The following ANOS1 variants were observed in gnomAD, a reference collection of about 807,000 sequenced individuals.
The protein encoded by ANOS1 is anosmin-1.
In ANOS1, 6 loss-of-function variants were observed where a neutral mutation model predicts 59.0. That is an observed-to-expected ratio of 0.10 (90% CI 0.06 to 0.20). The LOEUF (loss-of-function observed/expected upper bound fraction) is 0.20, where lower values mean the gene tolerates loss of function less well. Among genes scored for constraint, ANOS1 ranks in the 10% least tolerant of loss-of-function variants. The probability of loss-of-function intolerance (pLI) is 1.00; values close to 1 mark genes in which losing one functional copy is unlikely to be tolerated. For synonymous variants in ANOS1, 217 were observed against 223.4 expected (o/e 0.97, Z 0.25); for missense variants, 433 against 542.3 (o/e 0.80, Z 2.00).
chrX:8,649,632 G>A (rs2084943501), intron 2 of ANOS1, among the ~76,000 whole-genome samples: 1 of 112,722 alleles, frequency 8.9e-6, no homozygotes, highest in South Asian at 3.6e-4. Flanking sequence ...TAGGTATTCA[G>A]TGAACGAATA....
chrX:8,731,842 G>A lies in ANOS1; in HGVS notation c.195C>T (p.Phe65=). ...GGCCTCCCCGTACCTGGAAGTGCTG[G>A]AAGAAGGCGGAGATGCGAGTGATCT... The part of the protein sequence containing the change: ...SLQITRISAF[F]QHFQNNGSLV... The change falls in exon 1 of 14, where the codon TTC becomes TTT. Residue 65 remains phenylalanine (F), a synonymous_variant. Coordinates refer to ENST00000262648, the MANE Select transcript of ANOS1 (RefSeq NM_000216.4). 1 of 1,192,774 alleles carries A rather than the reference G, an allele frequency of 8.4e-7. No individual in the cohort carries two copies. The highest frequency in any genetic ancestry group is 1.1e-6 in the Non-Finnish European group (1 of 887,320).
intron 2 of ANOS1, among the ~76,000 whole-genome samples, chrX:8,690,484 G>A (rs770452062): frequency 8.9e-6 from 1 of 112,163 alleles, no homozygotes; most frequent in Admixed American, 9.5e-5. Flanking sequence ...ATTGCAATCA[G>A]ATAAAAAACG....
intron 2 of ANOS1, among the ~76,000 whole-genome samples, chrX:8,659,406 T>C (rs1025418151): frequency 9.2e-6 from 1 of 108,381 alleles, no homozygotes; most frequent in Admixed American, 9.9e-5. Flanking sequence ...GTGAGACTCT[T>C]TCTCTCTCTC....
chrX:8,654,674 C>T (rs766188611), intron 2 of ANOS1, among the ~76,000 whole-genome samples: 10 of 111,595 alleles, frequency 9.0e-5, no homozygotes, highest in South Asian at 7.6e-4. Context: ...GCTCTCAGTA[C>T]GGTGTGTTGA....
intron 2 of ANOS1, among the ~76,000 whole-genome samples, chrX:8,648,414 T>A (rs1462419437): frequency 9.8e-6 from 1 of 101,682 alleles, no homozygotes; most frequent in African/African-American, 3.8e-5. Context: ...TCAGCTGAAA[T>A]CGTGCCACTG....
At chrX:8,621,222 T>C (rs1931286954) in intron 3 of ANOS1, among the ~76,000 whole-genome samples, 1 of 109,664 alleles carries the variant, frequency 9.1e-6, no homozygotes, top group Non-Finnish European at 1.9e-5. Flanking sequence ...AAAAATCAAC[T>C]GAGCATGGTG....
chrX:8,619,416 C>T lies in ANOS1; in HGVS notation c.318+4192G>A, dbSNP rs188825489. Among the ~76,000 whole-genome samples, 333 of 110,996 alleles carry T rather than the reference C, an allele frequency of 3.0e-3. 1 individual carries two copies. The highest frequency in any genetic ancestry group is 0.01 in the South Asian group (27 of 2,639). On this transcript the variant is annotated intron_variant, in intron 3 of 13. Transcript: ENST00000262648. ...GTCAGGAGATGGAGACCATCCTGGC[C>T]AACATGGTGAAACCCCGTCTCTACT...
At chrX:8,634,091 T>G (rs1043070164) in intron 2 of ANOS1, among the ~76,000 whole-genome samples, 2 of 111,812 alleles carry the variant, frequency 1.8e-5, no homozygotes, top group African/African-American at 3.2e-5. Context: ...ATATCAGTGT[T>G]ATCACTTACA....
chrX:8,592,774 A>G (rs1331790220), intron 4 of ANOS1, among the ~76,000 whole-genome samples: 1 of 111,902 alleles, frequency 8.9e-6, no homozygotes, highest in Non-Finnish European at 1.9e-5. Flanking sequence ...ACCAGCAGGC[A>G]TCTCCAATCA....
chrX:8,540,163 G>A (rs961968479), intron 9 of ANOS1, among the ~76,000 whole-genome samples: 1 of 111,336 alleles, frequency 9.0e-6, no homozygotes, highest in Non-Finnish European at 1.9e-5. Flanking sequence ...AATTCCTGTT[G>A]CAAAAGAGAA....
chrX:8,625,691 G>A (rs1931377965), intron 2 of ANOS1, among the ~76,000 whole-genome samples: 1 of 111,768 alleles, frequency 8.9e-6, no homozygotes, highest in East Asian at 2.8e-4. Flanking sequence ...GGCATCCTTT[G>A]GAGTTTGTGT....
chrX:8,720,327 G>A (rs1932866308), intron 1 of ANOS1, among the ~76,000 whole-genome samples: 1 of 111,291 alleles, frequency 9.0e-6, no homozygotes, highest in Admixed American at 9.6e-5. Flanking sequence ...AACATCCCCT[G>A]TGATGTCGAG....
At chrX:8,585,166 GACTA>G in intron 6 of ANOS1, 97 bp downstream of exon 6, 2 of 952,077 alleles carry the variant, frequency 2.1e-6, no homozygotes, top group Non-Finnish European at 3.0e-6. Context: ...GCCACCTGTT[GACTA>G]ACTATAAATA....
intron 11 of ANOS1, 76 bp downstream of exon 11, chrX:8,536,695 C>T (rs969536948): frequency 1.7e-5 from 15 of 863,892 alleles, no homozygotes; most frequent in Admixed American, 1.3e-4. Context: ...TCTTGTGAAA[C>T]GCAGTTTGAC....
chrX:8,600,921 T>C (rs1033784972), intron 3 of ANOS1, among the ~76,000 whole-genome samples: 3 of 112,329 alleles, frequency 2.7e-5, no homozygotes, highest in Non-Finnish European at 5.6e-5. Context: ...CCGGGCGTGG[T>C]GGCTCACGCC....
At chrX:8,595,506 G>A (rs1210689082) in intron 4 of ANOS1, among the ~76,000 whole-genome samples, 1 of 111,925 alleles carries the variant, frequency 8.9e-6, no homozygotes, top group Admixed American at 9.5e-5. Context: ...AGGAAGATGG[G>A]ACAGATACTT....
At chrX:8,650,838 A>T (rs1362785762) in intron 2 of ANOS1, among the ~76,000 whole-genome samples, 1 of 112,757 alleles carries the variant, frequency 8.9e-6, no homozygotes, top group African/African-American at 3.2e-5. Flanking sequence ...ACAAAATCCA[A>T]TTTGTAGTCA....
At chrX:8,537,209 G>T (rs1056704802) in intron 10 of ANOS1, among the ~76,000 whole-genome samples, 2 of 111,538 alleles carry the variant, frequency 1.8e-5, no homozygotes, top group Non-Finnish European at 3.8e-5. Flanking sequence ...TTCTAAGGTC[G>T]CAATCAGCAT....
chrX:8,638,647 T>C (rs970448976), intron 2 of ANOS1, among the ~76,000 whole-genome samples: 2 of 111,879 alleles, frequency 1.8e-5, no homozygotes, highest in Non-Finnish European at 3.8e-5. Flanking sequence ...AACAAAATAA[T>C]GAGTAGGATT....
Sources: gnomAD v4.1 joint callset for allele counts (sites outside exome capture counted in the v4.1 genomes callset) on GRCh38, gnomAD v4.1.1 for gene constraint, MANE v1.5 for transcripts, NCBI Gene and HGNC (gene_info 2026-07-23, HGNC 2026-07-21) for gene names.